The following DERA variants were observed in gnomAD, a reference collection of about 807,000 sequenced individuals.
DERA encodes the protein deoxyribose-phosphate aldolase, also known as 2-deoxy-D-ribose 5-phosphate aldolase.
Under a neutral mutation model 41.1 loss-of-function variants are expected in DERA, and 15 were observed. That is an observed-to-expected ratio of 0.37 (90% CI 0.24 to 0.56). The LOEUF (loss-of-function observed/expected upper bound fraction) is 0.56, where lower values mean the gene tolerates loss of function less well. DERA is among the 20% of genes least tolerant of loss of function. The pLI is 0.81. For synonymous variants in DERA, 139 were observed against 137.4 expected (o/e 1.01, Z -0.08); for missense variants, 396 against 403.4 (o/e 0.98, Z 0.16).
intron 6 of DERA, among the ~76,000 whole-genome samples, chr12:16,023,186 GT>G (rs1949027768): frequency 6.6e-6 from 1 of 152,104 alleles, no homozygotes; most frequent in South Asian, 2.1e-4. Context: ...CAGCAACATG[GT>G]TTCAGTATAA....
intron 6 of DERA, among the ~76,000 whole-genome samples, chr12:16,032,114 C>CA (rs1949096551): frequency 6.6e-6 from 1 of 152,174 alleles, no homozygotes; most frequent in Non-Finnish European, 1.5e-5. Context: ...TGAGCTGTCA[C>CA]AACTGTATAC....
chr12:15,932,037 A>G (rs1015642334), intron 1 of DERA, among the ~76,000 whole-genome samples: 2 of 152,204 alleles, frequency 1.3e-5, no homozygotes, highest in African/African-American at 4.8e-5. Context: ...AAGCCAAATA[A>G]ACCCCTTTTC....
intron 1 of DERA, among the ~76,000 whole-genome samples, chr12:15,944,898 A>T (rs1292221340): frequency 2.6e-5 from 4 of 152,208 alleles, no homozygotes; most frequent in African/African-American, 9.6e-5. Flanking sequence ...TCTTGAATTA[A>T]TTTTTGTCTA....
intron 5 of DERA, among the ~76,000 whole-genome samples, chr12:15,977,134 G>A (rs1948702638): frequency 6.6e-6 from 1 of 152,096 alleles, no homozygotes; most frequent in African/African-American, 2.4e-5. Context: ...TCCCCTAGAA[G>A]AATGAAAACC....
rs574313928 is a variant in DERA at position 15,970,684 on chromosome 12, C to T, written c.508+7737C>T. 1.1e-3 allele frequency among the ~76,000 whole-genome samples: 171 copies of T among 152,174 alleles called. 1 individual carries two copies. Among genetic ancestry groups the T allele is most frequent in the African/African-American group, 4.0e-3 (165 of 41,522 alleles). On this transcript the variant is annotated intron_variant, in intron 5 of 8. Transcript: ENST00000428559. The surrounding 1 kb of genome is among the most constrained non-coding windows in gnomAD (Gnocchi z 4.3). Reference sequence around the variant, plus strand: ...AAAAAAAACAGGTACACCCACATTTCCAACTCCATCTCTCTTTTCAGACTG... The same window carrying T: ...AAAAAAAACAGGTACACCCACATTTTCAACTCCATCTCTCTTTTCAGACTG...
intron 6 of DERA, among the ~76,000 whole-genome samples, chr12:16,015,165 C>T (rs1164050870): frequency 2.6e-5 from 4 of 152,078 alleles, no homozygotes; most frequent in Admixed American, 1.3e-4. Context: ...ATTAAAACTT[C>T]GGGGGACTGT....
chr12:16,023,274 A>AT (rs1390025683), intron 6 of DERA, among the ~76,000 whole-genome samples: 1 of 152,156 alleles, frequency 6.6e-6, no homozygotes, highest in Non-Finnish European at 1.5e-5. Context: ...AAGAGGGGAG[A>AT]TAAAAACAAG....
rs1257704443 is a variant in DERA, at chr12:16,008,902, A to G, written c.638-23640A>G. Reference sequence around the variant, plus strand: ...GGACGTAGAGAACTACAAACTTGATAAGGTAGAAACTGCAAAACAATAGCT... The same window carrying G: ...GGACGTAGAGAACTACAAACTTGATGAGGTAGAAACTGCAAAACAATAGCT... On this transcript the variant is annotated intron_variant, in intron 6 of 8. Transcript: ENST00000428559. The surrounding 1 kb of genome is among the most constrained non-coding windows in gnomAD (Gnocchi z 4.8). Among the ~76,000 whole-genome samples the G allele has an allele frequency of 1.3e-5, 2 of 152,202 alleles. No individual in the cohort carries two copies. Among genetic ancestry groups the G allele is most frequent in the Admixed American group, 1.3e-4 (2 of 15,280 alleles).
intron 1 of DERA, among the ~76,000 whole-genome samples, chr12:15,925,624 A>C (rs1948276424): frequency 6.6e-6 from 1 of 152,198 alleles, no homozygotes; most frequent in Non-Finnish European, 1.5e-5. Context: ...TTATCAAGGA[A>C]ATTAAAATTC....
chr12:15,916,492 C>G (rs1948200836), intron 1 of DERA, among the ~76,000 whole-genome samples: 1 of 149,090 alleles, frequency 6.7e-6, no homozygotes, highest in African/African-American at 2.5e-5. Context: ...ACTCTGTCAC[C>G]CAGGCTGGAG....
intron 1 of DERA, among the ~76,000 whole-genome samples, chr12:15,919,970 ATG>A (rs10523539): frequency 2.6e-4 from 38 of 148,226 alleles, no homozygotes; most frequent in Admixed American, 6.7e-4. Flanking sequence ...TGAGAAAGAA[ATG>A]TGTGTGTGTG....
At position 16,017,258 on chromosome 12, in the gene DERA, A is replaced by G. The variant is rs1948988964; in HGVS notation, c.638-15284A>G. Among the ~76,000 whole-genome samples the G allele has an allele frequency of 6.6e-6, 1 of 152,186 alleles. No individual in the cohort carries two copies. The highest frequency in any genetic ancestry group is 2.4e-5 in the African/African-American group (1 of 41,438). ...AAATTGTGATTTCTTTCTGACTGCC[A>G]TTATGCTTAAACAAGCATCATTGCT... is the stretch of plus-strand genomic sequence containing the variant. On this transcript the variant is annotated intron_variant, in intron 6 of 8. Coordinates refer to ENST00000428559, the MANE Select transcript of DERA (RefSeq NM_015954.4). The surrounding 1 kb of genome is among the most constrained non-coding windows in gnomAD (Gnocchi z 5.5).
At chr12:15,987,686 T>C (rs1173498700) in intron 6 of DERA, among the ~76,000 whole-genome samples, 1 of 152,198 alleles carries the variant, frequency 6.6e-6, no homozygotes, top group African/African-American at 2.4e-5. Flanking sequence ...TTCTCCTCTG[T>C]TCTCCTGATT....
chr12:15,970,687 A>C lies in DERA; in HGVS notation c.508+7740A>C, dbSNP rs1272212172. Among the ~76,000 whole-genome samples, 1 of 151,940 alleles carries C rather than the reference A, an allele frequency of 6.6e-6. No homozygotes were observed. Among genetic ancestry groups the C allele is most frequent in the Non-Finnish European group, 1.5e-5 (1 of 67,990 alleles). On this transcript the variant is annotated intron_variant, in intron 5 of 8. Coordinates refer to ENST00000428559, the MANE Select transcript of DERA (RefSeq NM_015954.4). This position sits in a 1 kb window ranked among gnomAD's most constrained non-coding sequence, Gnocchi z 4.3. ...AAAAACAGGTACACCCACATTTCCA[A>C]CTCCATCTCTCTTTTCAGACTGTTC...
chr12:16,025,683 ACAG>A (rs1382593304), intron 6 of DERA, among the ~76,000 whole-genome samples: 1 of 152,146 alleles, frequency 6.6e-6, no homozygotes, highest in Non-Finnish European at 1.5e-5. Flanking sequence ...GTTGACCTGA[ACAG>A]CACTGTCATT....
At position 15,984,715 on chromosome 12, in the gene DERA, G is replaced by A. The variant is rs1948753083; in HGVS notation, c.637+2279G>A. Among the ~76,000 whole-genome samples the A allele has an allele frequency of 6.6e-6, 1 of 152,094 alleles. No individual in the cohort carries two copies. Among genetic ancestry groups the A allele is most frequent in the African/African-American group, 2.4e-5 (1 of 41,408 alleles). On this transcript the variant is annotated intron_variant, in intron 6 of 8. Transcript: ENST00000428559. This position sits in a 1 kb window ranked among gnomAD's most constrained non-coding sequence, Gnocchi z 4.5. ...GCACACACTAGATTTTATCATGAAT[G>A]AAAGACACAATCTTTGTGAGGCATA...
In DERA at chr12:15,967,691, T is replaced by C. The variant is rs2136152936; in HGVS notation, c.508+4744T>C. On this transcript the variant is annotated intron_variant, in intron 5 of 8. Transcript: ENST00000428559. This position sits in a 1 kb window ranked among gnomAD's most constrained non-coding sequence, Gnocchi z 4.9. The stretch of plus-strand genomic sequence containing the variant: ...TGTTTTTTTGCCTACTCCTTAGTGG[T>C]TAAGCTTTTTACTGTCAGATCATGT... Among the ~76,000 whole-genome samples, 1 of 152,294 alleles carries C rather than the reference T, an allele frequency of 6.6e-6. No homozygotes were observed. Among genetic ancestry groups the C allele is most frequent in the African/African-American group, 2.4e-5 (1 of 41,554 alleles).
At chr12:15,932,416 G>A (rs561667813) in intron 1 of DERA, among the ~76,000 whole-genome samples, 2 of 152,194 alleles carry the variant, frequency 1.3e-5, no homozygotes, top group African/African-American at 4.8e-5. Context: ...TTGGGAGGTC[G>A]AGGAGGGAAG....
intron 6 of DERA, among the ~76,000 whole-genome samples, chr12:16,018,375 G>A (rs189386310): frequency 2.0e-5 from 3 of 152,210 alleles, no homozygotes; most frequent in African/African-American, 7.2e-5. Context: ...CCATTATCTT[G>A]TAATTAAGAC....
Sources: gnomAD v4.1 joint callset for allele counts (sites outside exome capture counted in the v4.1 genomes callset) on GRCh38, gnomAD v4.1.1 for gene constraint, Gnocchi (gnomAD v3.1) non-coding constraint, MANE v1.5 for transcripts, NCBI Gene and HGNC (gene_info 2026-07-23, HGNC 2026-07-21) for gene names.